WDR70: variants seen among roughly 807,000 people sequenced by gnomAD.
WDR70 encodes WD repeat domain 70, also known as WD repeat-containing protein 70.
Under a neutral mutation model 88.6 loss-of-function variants are expected in WDR70, and 53 were observed. The ratio of observed to expected loss-of-function variants is 0.60; its 90% CI spans 0.48 to 0.75. The LOEUF (loss-of-function observed/expected upper bound fraction) is 0.75, where lower values mean the gene tolerates loss of function less well. WDR70 is among the 30% of genes least tolerant of loss of function. The pLI, the probability that WDR70 is intolerant of heterozygous loss-of-function variation, is 0.00. For missense variants in WDR70, 610 were observed against 823.2 expected (o/e 0.74, Z 3.17); for synonymous variants, 280 against 270.0 (o/e 1.04, Z -0.36).
At chr5:37,712,289 C>A (rs1459393174) in intron 13 of WDR70, among the ~76,000 whole-genome samples, 2 of 152,154 alleles carry the variant, frequency 1.3e-5, no homozygotes, top group Non-Finnish European at 2.9e-5. Flanking sequence ...CCGCACCCGG[C>A]CACATTTTCT....
intron 11 of WDR70, among the ~76,000 whole-genome samples, chr5:37,700,682 G>A (rs149848955): frequency 2.0e-5 from 3 of 152,248 alleles, no homozygotes; most frequent in Non-Finnish European, 4.4e-5. Flanking sequence ...AAGAAGTAAC[G>A]TATGCTCAAA....
rs562552502 is a variant in WDR70, at chr5:37,398,280, A to G, written c.492+1710A>G. Reference sequence around the variant, plus strand: ...ATTTTTCGTATTTTTAGTAGAGATGAGGTTTCACCGTGTTAGCCAGGATGG... The same window carrying G: ...ATTTTTCGTATTTTTAGTAGAGATGGGGTTTCACCGTGTTAGCCAGGATGG... On this transcript the variant is annotated intron_variant, in intron 5 of 17. Coordinates refer to ENST00000265107, the MANE Select transcript of WDR70 (RefSeq NM_018034.4). Among the ~76,000 whole-genome samples, 29 of 151,880 alleles carry G rather than the reference A, an allele frequency of 1.9e-4. No homozygotes were observed. In the South Asian group the frequency reaches 2.3e-3, roughly 12 times the overall value.
At chr5:37,678,705 G>T (rs1481459800) in intron 10 of WDR70, among the ~76,000 whole-genome samples, 1 of 152,110 alleles carries the variant, frequency 6.6e-6, no homozygotes, top group East Asian at 1.9e-4. Flanking sequence ...TGACAATTAT[G>T]TGTCTTGGAG....
chr5:37,729,125 T>TA (rs1317386137), intron 17 of WDR70, among the ~76,000 whole-genome samples: 1 of 152,052 alleles, frequency 6.6e-6, no homozygotes, highest in Non-Finnish European at 1.5e-5. Flanking sequence ...CGCCTATATA[T>TA]TTTTTTAGTA....
At chr5:37,571,304 T>C (rs1742899619) in intron 9 of WDR70, among the ~76,000 whole-genome samples, 2 of 152,120 alleles carry the variant, frequency 1.3e-5, no homozygotes, top group African/African-American at 4.8e-5. Context: ...CTATTGAACA[T>C]AGGAGAAGGA....
intron 10 of WDR70, among the ~76,000 whole-genome samples, chr5:37,664,444 C>G (rs1349611986): frequency 6.6e-6 from 1 of 152,154 alleles, no homozygotes; most frequent in Non-Finnish European, 1.5e-5. Flanking sequence ...ATTCAGTGTC[C>G]TCTAGTGGAG....
intron 9 of WDR70, among the ~76,000 whole-genome samples, chr5:37,575,941 C>T (rs1462943762): frequency 6.6e-6 from 1 of 152,072 alleles, no homozygotes; most frequent in Non-Finnish European, 1.5e-5. Flanking sequence ...GTAGGATGCC[C>T]AGTTGGTATC....
chr5:37,680,709 A>G (rs543253176), intron 10 of WDR70, among the ~76,000 whole-genome samples: 6 of 152,272 alleles, frequency 3.9e-5, no homozygotes, highest in African/African-American at 1.2e-4. Flanking sequence ...AGATGGTTGT[A>G]GGAGTGTGGC....
chr5:37,401,060 G>A (rs1463205065), intron 5 of WDR70, among the ~76,000 whole-genome samples: 4 of 151,456 alleles, frequency 2.6e-5, no homozygotes, highest in African/African-American at 9.7e-5. Flanking sequence ...GTACAGTGGT[G>A]TAATCAAAGC....
chr5:37,476,214 A>G (rs867394217), intron 7 of WDR70, among the ~76,000 whole-genome samples: 4 of 152,092 alleles, frequency 2.6e-5, no homozygotes, highest in African/African-American at 7.2e-5. Flanking sequence ...GTCTTTTACT[A>G]TTCTTTTAGT....
chr5:37,397,145 C>A (rs940745118), intron 5 of WDR70, among the ~76,000 whole-genome samples: 48 of 149,596 alleles, frequency 3.2e-4, no homozygotes, highest in South Asian at 2.6e-3. Flanking sequence ...TCAAACCGCC[C>A]CCCCCAACCC....
At chr5:37,495,944 T>C (rs1368465422) in intron 8 of WDR70, among the ~76,000 whole-genome samples, 1 of 152,228 alleles carries the variant, frequency 6.6e-6, no homozygotes. Context: ...TTTTTCTGTT[T>C]AACCTACTAT....
Position 37,443,209 on chromosome 5 carries a change from G to A in WDR70, c.553-30G>A, listed in dbSNP as rs574953219. Reference sequence around the variant, plus strand: ...AATTGACCATATGTCATTTTGCTCCGGTCATTTTATTTTATTTTTTTAAAA... The same window carrying A: ...AATTGACCATATGTCATTTTGCTCCAGTCATTTTATTTTATTTTTTTAAAA... On this transcript the variant is annotated intron_variant, in intron 6 of 17. Coordinates refer to ENST00000265107, the MANE Select transcript of WDR70 (RefSeq NM_018034.4). 41 of 1,562,336 alleles carry A rather than the reference G, an allele frequency of 2.6e-5. No homozygotes were observed. The African/African-American group carries it at 3.1e-4, about 12-fold the overall frequency.
intron 9 of WDR70, among the ~76,000 whole-genome samples, chr5:37,542,604 CTGAG>C (rs957610842): frequency 2.2e-4 from 33 of 151,906 alleles, no homozygotes; most frequent in Non-Finnish European, 1.0e-4. Flanking sequence ...TTTTGAGCAA[CTGAG>C]TGTCATGAAA....
chr5:37,601,645 C>T (rs892223191), intron 9 of WDR70, among the ~76,000 whole-genome samples: 21 of 152,226 alleles, frequency 1.4e-4, no homozygotes, highest in Non-Finnish European at 2.6e-4. Context: ...GTGAAGTCAT[C>T]AGGTCCTGGT....
intron 5 of WDR70, among the ~76,000 whole-genome samples, chr5:37,416,087 C>T (rs1181274942): frequency 6.6e-6 from 1 of 152,082 alleles, no homozygotes; most frequent in South Asian, 2.1e-4. Flanking sequence ...GGCAGAGACG[C>T]TCCTCACTTC....
intron 7 of WDR70, among the ~76,000 whole-genome samples, chr5:37,448,738 T>TG (rs1743204932): frequency 6.5e-5 from 2 of 30,984 alleles, no homozygotes. Flanking sequence ...TGGATTTCAC[T>TG]GTTTTTTTTT....
intron 8 of WDR70, among the ~76,000 whole-genome samples, chr5:37,503,126 A>G (rs1456788220): frequency 6.6e-6 from 1 of 152,172 alleles, no homozygotes; most frequent in Admixed American, 6.5e-5. Context: ...GTGTGTGTTC[A>G]TCAGGGATAT....
chr5:37,637,144 C>G (rs980384707), intron 10 of WDR70, among the ~76,000 whole-genome samples: 12 of 151,858 alleles, frequency 7.9e-5, no homozygotes. Flanking sequence ...GAGTTTGAGA[C>G]CAGCCTGGCC....
Sources: allele counts gnomAD v4.1 joint callset (sites outside exome capture counted in the v4.1 genomes callset), GRCh38; gene constraint gnomAD v4.1.1; transcripts MANE v1.5; gene names NCBI Gene and HGNC (gene_info 2026-07-23, HGNC 2026-07-21).